Variants in CD47 observed in about 807,000 individuals in gnomAD.
The protein encoded by CD47 is leukocyte surface antigen CD47.
In CD47, 11 loss-of-function variants were observed where a neutral mutation model predicts 44.6. That is an observed-to-expected ratio of 0.25 (90% CI 0.16 to 0.41). CD47 has a LOEUF of 0.41. Among genes scored for constraint, CD47 ranks in the 10% least tolerant of loss-of-function variants. CD47 has a pLI of 1.00. For missense variants in CD47, 306 were observed against 386.7 expected, an observed-to-expected ratio of 0.79 and a Z score of 1.75; for synonymous variants, 140 against 136.3, an observed-to-expected ratio of 1.03 and a Z score of -0.19.
In CD47 at chr3:108,046,583, GAAT is replaced by G. The variant is rs1333741096; in HGVS notation, c.*702_*704del. On this transcript the variant is annotated 3_prime_UTR_variant, in exon 11 of 11. Transcript: ENST00000361309. ...AAGACAGGGTTTCAAGGGGTTATGT[GAAT>G]AAAAGGAAAACATATCCATCAATAA... The G allele has an allele frequency of 6.6e-6, 1 of 152,516 alleles. No homozygotes were observed. Among genetic ancestry groups the G allele is most frequent in the East Asian group, 1.9e-4 (1 of 5,186 alleles). The allele number at this position is 152,516 out of a possible 1,614,324, so 9.4% of individuals were successfully genotyped here. A position where few individuals can be genotyped will look rare whatever the true frequency, so the allele number is the denominator to read the frequency against.
At chr3:108,048,320 A>G (rs985536107) in intron 10 of CD47, among the ~76,000 whole-genome samples, 7 of 149,544 alleles carry the variant, frequency 4.7e-5, no homozygotes, top group Admixed American at 3.3e-4. Flanking sequence ...CTGTGACTCC[A>G]TGCTGAATAC....
chr3:108,078,350 T>C (rs2079349703), intron 2 of CD47, among the ~76,000 whole-genome samples: 1 of 152,050 alleles, frequency 6.6e-6, no homozygotes. Flanking sequence ...ATAAACTGTT[T>C]TTATCTCAGA....
chr3:108,060,326 G>A (rs1392728090), intron 4 of CD47, among the ~76,000 whole-genome samples: 2 of 152,198 alleles, frequency 1.3e-5, no homozygotes, highest in Non-Finnish European at 2.9e-5. Context: ...TGGATTATAT[G>A]AGTGGGCTCT....
intron 3 of CD47, among the ~76,000 whole-genome samples, chr3:108,064,701 G>A (rs1162611269): frequency 2.6e-5 from 4 of 152,172 alleles, no homozygotes; most frequent in Non-Finnish European, 2.9e-5. Context: ...GACATTTGGA[G>A]TGATTGGTAA....
rs1465757981 is a variant in CD47 at position 108,060,872 on chromosome 3, G to C, written c.491-20C>G. The C allele has an allele frequency of 1.3e-6, 2 of 1,494,020 alleles. No homozygotes were observed. The highest frequency in any genetic ancestry group is 3.4e-5 in the Admixed American group (2 of 59,684). 92.5% of individuals were successfully genotyped at this position (1,494,020 alleles called of 1,614,324 possible). A position where few individuals can be genotyped will look rare whatever the true frequency, so the allele number is the denominator to read the frequency against. The stretch of plus-strand genomic sequence containing the variant: ...TAAGTGCTTAAAAAAGAAAAACAAA[G>C]AATTATATGAACTCAATCACAAGTG... On this transcript the variant is annotated intron_variant, in intron 3 of 10. Coordinates refer to ENST00000361309, the MANE Select transcript of CD47 (RefSeq NM_001777.4).
chr3:108,055,337 A>G (rs1430841145), intron 7 of CD47, among the ~76,000 whole-genome samples: 2 of 152,218 alleles, frequency 1.3e-5, no homozygotes, highest in Non-Finnish European at 2.9e-5. Flanking sequence ...TCTAAAACAG[A>G]ACACGTGCAA....
intron 7 of CD47, chr3:108,055,443 C>T (rs372423848): frequency 1.3e-6 from 1 of 792,076 alleles, no homozygotes. Context: ...CAGATTTACA[C>T]AGTCAGATTA....
chr3:108,088,238 G>A (rs374914814), intron 1 of CD47, among the ~76,000 whole-genome samples: 2 of 152,284 alleles, frequency 1.3e-5, no homozygotes, highest in East Asian at 1.9e-4. Context: ...CTAGTTTTGC[G>A]AATATGCGTG....
At chr3:108,083,728 C>T (rs978273086) in intron 1 of CD47, among the ~76,000 whole-genome samples, 1 of 151,834 alleles carries the variant, frequency 6.6e-6, no homozygotes, top group Non-Finnish European at 1.5e-5. Context: ...TGTAAATGTT[C>T]GCTTCTTTTT....
At position 108,043,440 on chromosome 3, in the gene CD47, A is replaced by AT. The variant is rs1487765054; in HGVS notation, c.*3847dup. The AT allele has an allele frequency of 4.6e-5, 7 of 152,442 alleles. No homozygotes were observed. In the East Asian group the frequency reaches 9.7e-4, roughly 21 times the overall value. 9.4% of individuals were successfully genotyped at this position (152,442 alleles called of 1,614,324 possible). A position where few individuals can be genotyped will look rare whatever the true frequency, so the allele number is the denominator to read the frequency against. ...ACAGTGATAAATTGATTTAATACAT[A>AT]TAAAAAAAAAAACCTTTAACGGTAA... On this transcript the variant is annotated 3_prime_UTR_variant, in exon 11 of 11. Transcript: ENST00000361309.
At chr3:108,048,132 C>T (rs1320431916) in intron 10 of CD47, among the ~76,000 whole-genome samples, 1 of 151,284 alleles carries the variant, frequency 6.6e-6, no homozygotes, top group African/African-American at 2.4e-5. Context: ...ACAAACCATG[C>T]CATGCCACAG....
intron 2 of CD47, among the ~76,000 whole-genome samples, chr3:108,079,639 T>G (rs1349810608): frequency 2.5e-5 from 3 of 118,360 alleles, no homozygotes; most frequent in Admixed American, 8.7e-5. Context: ...GACTTGAAAA[T>G]TAGTCACAGG....
At chr3:108,065,360 A>C (rs1329162988) in intron 3 of CD47, among the ~76,000 whole-genome samples, 1 of 152,206 alleles carries the variant, frequency 6.6e-6, no homozygotes, top group Non-Finnish European at 1.5e-5. Flanking sequence ...GGAAAGGGTC[A>C]AGGGATTTCT....
intron 1 of CD47, among the ~76,000 whole-genome samples, chr3:108,081,499 CTA>C (rs1183204316): frequency 6.6e-6 from 1 of 151,976 alleles, no homozygotes; most frequent in Non-Finnish European, 1.5e-5. Context: ...TGTAAGAACA[CTA>C]TGTTTACTCA....
rs1277894255 is a variant in CD47 at position 108,063,905 on chromosome 3, GAC to G, written c.491-3055_491-3054del. Among the ~76,000 whole-genome samples, 4 of 152,308 alleles carry G rather than the reference GAC, an allele frequency of 2.6e-5. No individual in the cohort carries two copies. In the East Asian group the frequency reaches 7.7e-4, roughly 29 times the overall value. On this transcript the variant is annotated intron_variant, in intron 3 of 10. Coordinates refer to ENST00000361309, the MANE Select transcript of CD47 (RefSeq NM_001777.4). ...AATGTATAACCTTAGTGCTCAGCCT[GAC>G]ACAGGAATACCAAGTATCAGGGGAG...
intron 5 of CD47, among the ~76,000 whole-genome samples, chr3:108,058,831 T>C (rs2078962518): frequency 6.6e-6 from 1 of 152,216 alleles, no homozygotes; most frequent in African/African-American, 2.4e-5. Flanking sequence ...TCTCTAGATG[T>C]CATTTTATAA....
chr3:108,063,896 G>T (rs916088843), intron 3 of CD47, among the ~76,000 whole-genome samples: 3 of 152,182 alleles, frequency 2.0e-5, no homozygotes, highest in African/African-American at 7.2e-5. Flanking sequence ...TAACCTTAGT[G>T]CTCAGCCTGA....
chr3:108,055,665 A>G (rs1051867770), intron 7 of CD47: 13 of 604,504 alleles, frequency 2.2e-5, no homozygotes, highest in African/African-American at 1.9e-5. Flanking sequence ...AACATATAGC[A>G]TAAATTTTAG....
chr3:108,063,443 G>A (rs999457293), intron 3 of CD47, among the ~76,000 whole-genome samples: 3 of 152,142 alleles, frequency 2.0e-5, no homozygotes, highest in Non-Finnish European at 2.9e-5. Context: ...CATTTCAGCA[G>A]GTACCACAGC....
Sources: gnomAD v4.1 joint callset for allele counts (sites outside exome capture counted in the v4.1 genomes callset) on GRCh38, gnomAD v4.1.1 for gene constraint, MANE v1.5 for transcripts, NCBI Gene and HGNC (gene_info 2026-07-23, HGNC 2026-07-21) for gene names.